HCN1: variants seen among roughly 807,000 people sequenced by gnomAD.
HCN1 encodes hyperpolarization activated cyclic nucleotide gated potassium channel 1, also known as potassium/sodium hyperpolarization-activated cyclic nucleotide-gated channel 1.
A neutral mutation model predicts 78.9 loss-of-function variants in HCN1; 13 were observed. That is an observed-to-expected ratio of 0.16 (90% CI 0.11 to 0.26). The LOEUF (loss-of-function observed/expected upper bound fraction) is 0.26, where lower values mean the gene tolerates loss of function less well. Ranked by LOEUF, HCN1 falls within the 10% of genes least tolerant of loss-of-function variation. The pLI, the probability that HCN1 is intolerant of heterozygous loss-of-function variation, is 1.00. For missense variants in HCN1, 810 were observed against 1,154.3 expected (o/e 0.70, Z 4.32); for synonymous variants, 552 against 455.5 (o/e 1.21, Z -2.70).
intron 2 of HCN1, among the ~76,000 whole-genome samples, chr5:45,538,814 C>T (rs982501174): frequency 5.9e-5 from 9 of 152,222 alleles, no homozygotes; most frequent in African/African-American, 2.2e-4. Context: ...AAAGAAAAAT[C>T]ATGTTTATTA....
At chr5:45,473,218 T>C (rs557895340) in intron 2 of HCN1, among the ~76,000 whole-genome samples, 1 of 151,948 alleles carries the variant, frequency 6.6e-6, no homozygotes, top group Non-Finnish European at 1.5e-5. Context: ...CTAAGTTCTA[T>C]ACATAAGCTT....
chr5:45,462,079 G>T, intron 2 of HCN1, 72 bp from the exon 3 acceptor site: 1 of 1,152,666 alleles, frequency 8.7e-7, no homozygotes, highest in Non-Finnish European at 1.3e-6. Flanking sequence ...ACTGATAGTA[G>T]GCATTGATGT....
chr5:45,394,824 T>C (rs763314129), intron 4 of HCN1, among the ~76,000 whole-genome samples: 1 of 151,874 alleles, frequency 6.6e-6, no homozygotes, highest in Non-Finnish European at 1.5e-5. Flanking sequence ...AAAAAAAAAG[T>C]TATATTCTTT....
At chr5:45,284,653 G>A (rs111511477) in intron 6 of HCN1, among the ~76,000 whole-genome samples, 28 of 152,196 alleles carry the variant, frequency 1.8e-4, no homozygotes, top group African/African-American at 5.3e-4. Flanking sequence ...GGAGCTGAAT[G>A]CTGCTTTAAT....
At chr5:45,452,828 A>T (rs945201738) in intron 3 of HCN1, among the ~76,000 whole-genome samples, 1 of 152,038 alleles carries the variant, frequency 6.6e-6, no homozygotes, top group Non-Finnish European at 1.5e-5. Context: ...TTACATCTCT[A>T]AAAACAACAA....
At chr5:45,376,142 A>G (rs1467590671) in intron 4 of HCN1, among the ~76,000 whole-genome samples, 2 of 108,882 alleles carry the variant, frequency 1.8e-5, no homozygotes, top group African/African-American at 3.9e-5. Context: ...AATATAATAT[A>G]TTATATATAA....
intron 4 of HCN1, among the ~76,000 whole-genome samples, chr5:45,363,760 C>G (rs1318918060): frequency 6.6e-6 from 1 of 151,874 alleles, no homozygotes; most frequent in African/African-American, 2.4e-5. Flanking sequence ...CAGGGGTTTC[C>G]GCTTTTGCTT....
intron 3 of HCN1, among the ~76,000 whole-genome samples, chr5:45,416,623 C>T (rs1740124436): frequency 6.6e-6 from 1 of 151,846 alleles, no homozygotes; most frequent in African/African-American, 2.4e-5. Context: ...AAGGCAAACG[C>T]ATAAATACAC....
At chr5:45,374,054 ATT>A (rs1491343282) in intron 4 of HCN1, among the ~76,000 whole-genome samples, 6 of 110,912 alleles carry the variant, frequency 5.4e-5, no homozygotes, top group East Asian at 2.3e-4. Flanking sequence ...TATTATATAT[ATT>A]ATATATATAA....
intron 4 of HCN1, among the ~76,000 whole-genome samples, chr5:45,371,566 G>A (rs1747359443): frequency 6.6e-6 from 1 of 151,476 alleles, no homozygotes; most frequent in Non-Finnish European, 1.5e-5. Flanking sequence ...AGACCATCCT[G>A]GACAACACAG....
chr5:45,313,445 T>C (rs972013144), intron 5 of HCN1, among the ~76,000 whole-genome samples: 1 of 152,118 alleles, frequency 6.6e-6, no homozygotes, highest in Non-Finnish European at 1.5e-5. Context: ...CTAAAAATTC[T>C]AAAAATCAGA....
chr5:45,613,940 T>C (rs922051528), intron 2 of HCN1, among the ~76,000 whole-genome samples: 1 of 152,152 alleles, frequency 6.6e-6, no homozygotes, highest in Non-Finnish European at 1.5e-5. Flanking sequence ...AATTCAAGTG[T>C]AGGGAGAAAT....
intron 2 of HCN1, among the ~76,000 whole-genome samples, chr5:45,617,952 T>C (rs559428415): frequency 4.6e-5 from 7 of 152,126 alleles, no homozygotes; most frequent in African/African-American, 1.7e-4. Flanking sequence ...ATTGTAGACT[T>C]ACTATCTGTC....
intron 2 of HCN1, among the ~76,000 whole-genome samples, chr5:45,554,785 A>C (rs1743439560): frequency 6.6e-6 from 1 of 151,830 alleles, no homozygotes; most frequent in South Asian, 2.1e-4. Flanking sequence ...AAATGTGGTT[A>C]TCTGATCTGA....
intron 2 of HCN1, among the ~76,000 whole-genome samples, chr5:45,548,418 G>A (rs1180233402): frequency 1.3e-5 from 2 of 151,876 alleles, no homozygotes; most frequent in Non-Finnish European, 2.9e-5. Context: ...AAAGAGAAAA[G>A]TCAATGAACC....
chr5:45,412,955 C>T (rs937372972), intron 3 of HCN1, among the ~76,000 whole-genome samples: 4 of 151,994 alleles, frequency 2.6e-5, no homozygotes, highest in Admixed American at 6.6e-5. Flanking sequence ...AGAAAGATTG[C>T]TATTAGTTTT....
At chr5:45,564,207 C>T (rs1743662299) in intron 2 of HCN1, among the ~76,000 whole-genome samples, 1 of 152,012 alleles carries the variant, frequency 6.6e-6, no homozygotes, top group Non-Finnish European at 1.5e-5. Context: ...ACTTTGTCTC[C>T]CACTAAGTAA....
chr5:45,337,354 T>C (rs1401485754), intron 5 of HCN1, among the ~76,000 whole-genome samples: 1 of 152,116 alleles, frequency 6.6e-6, no homozygotes, highest in Non-Finnish European at 1.5e-5. Flanking sequence ...TTGTAATACA[T>C]TAAAAATACA....
intron 2 of HCN1, among the ~76,000 whole-genome samples, chr5:45,562,749 G>A (rs531292114): frequency 4.6e-5 from 7 of 152,168 alleles, no homozygotes; most frequent in African/African-American, 1.7e-4. Flanking sequence ...CTTTCTACAC[G>A]TCACTCAGAA....
Sources: allele counts gnomAD v4.1 joint callset (sites outside exome capture counted in the v4.1 genomes callset), GRCh38; gene constraint gnomAD v4.1.1; transcripts MANE v1.5; gene names NCBI Gene and HGNC (gene_info 2026-07-23, HGNC 2026-07-21).